Variants in LRFN5 observed in about 807,000 individuals in gnomAD.
The protein encoded by LRFN5 is leucine rich repeat and fibronectin type III domain containing 5.
LRFN5 carries 24 observed loss-of-function variants against 45.6 expected under a neutral mutation model. The ratio of observed to expected loss-of-function variants is 0.53; its 90% CI spans 0.38 to 0.74. The LOEUF (loss-of-function observed/expected upper bound fraction) is 0.74, where lower values mean the gene tolerates loss of function less well. Ranked by LOEUF, LRFN5 falls within the 30% of genes least tolerant of loss-of-function variation. LRFN5 has a pLI of 0.00. For synonymous variants in LRFN5, 340 were observed against 313.8 expected, an observed-to-expected ratio of 1.08 and a Z score of -0.88; for missense variants, 776 against 861.5, an observed-to-expected ratio of 0.90 and a Z score of 1.24.
intron 4 of LRFN5, among the ~76,000 whole-genome samples, chr14:41,896,964 C>A (rs1890960752): frequency 6.6e-6 from 1 of 151,582 alleles, no homozygotes. Flanking sequence ...TGGTGGCGCG[C>A]ACCTGTAATA....
At chr14:41,718,437 A>G (rs1348899733) in intron 1 of LRFN5, among the ~76,000 whole-genome samples, 3 of 152,224 alleles carry the variant, frequency 2.0e-5, no homozygotes, top group African/African-American at 7.2e-5. Context: ...AAAAGGGCAG[A>G]GAAATATCTC....
intron 2 of LRFN5, among the ~76,000 whole-genome samples, chr14:41,871,088 A>G (rs890166008): frequency 6.6e-6 from 1 of 152,120 alleles, no homozygotes; most frequent in African/African-American, 2.4e-5. Context: ...AGTGCTTTTA[A>G]AAACTAGAAA....
chr14:41,706,568 A>T (rs1883076567), intron 1 of LRFN5, among the ~76,000 whole-genome samples: 3 of 152,202 alleles, frequency 2.0e-5, no homozygotes, highest in South Asian at 4.1e-4. Flanking sequence ...ACATTCCTTT[A>T]TTCATATGTG....
Position 41,699,208 on chromosome 14 carries a change from C to T in LRFN5, c.-196-67646C>T, listed in dbSNP as rs1313149837. 2.0e-5 allele frequency among the ~76,000 whole-genome samples: 3 copies of T among 151,962 alleles called. No individual in the cohort carries two copies. The East Asian group carries it at 5.8e-4, about 29-fold the overall frequency. ...AAATGAATATTCTTACCTTGTATGT[C>T]TCTGGGGTAGGTTATGAAATTCTGC... On this transcript the variant is annotated intron_variant, in intron 1 of 5. Transcript: ENST00000298119.
intron 4 of LRFN5, among the ~76,000 whole-genome samples, chr14:41,897,824 G>T (rs187169420): frequency 2.0e-5 from 3 of 152,176 alleles, no homozygotes; most frequent in African/African-American, 7.2e-5. Flanking sequence ...TAAGGAATAA[G>T]CCATGACGGC....
intron 2 of LRFN5, among the ~76,000 whole-genome samples, chr14:41,769,777 T>G (rs1012415434): frequency 2.6e-5 from 4 of 152,198 alleles, no homozygotes; most frequent in Non-Finnish European, 5.9e-5. Context: ...TCATAATAAT[T>G]GTCAATATAT....
At chr14:41,883,142 A>C (rs368165505) in intron 2 of LRFN5, among the ~76,000 whole-genome samples, 14 of 133,196 alleles carry the variant, frequency 1.1e-4, no homozygotes, top group South Asian at 2.6e-4. Flanking sequence ...TTGAGTCACC[A>C]CCCCCCGCCA....
At chr14:41,755,844 C>T (rs1277238839) in intron 1 of LRFN5, among the ~76,000 whole-genome samples, 1 of 152,144 alleles carries the variant, frequency 6.6e-6, no homozygotes, top group Non-Finnish European at 1.5e-5. Context: ...TTAGTTGATG[C>T]AGTTTCTTCT....
At chr14:41,784,587 T>C (rs547969429) in intron 2 of LRFN5, among the ~76,000 whole-genome samples, 1 of 151,232 alleles carries the variant, frequency 6.6e-6, no homozygotes, top group South Asian at 2.1e-4. Context: ...TTTTCTTCAT[T>C]TGCCTAAGTG....
intron 1 of LRFN5, among the ~76,000 whole-genome samples, chr14:41,696,879 G>T (rs1409075221): frequency 2.6e-5 from 4 of 151,874 alleles, no homozygotes; most frequent in African/African-American, 9.7e-5. Context: ...TCTGAAAAGT[G>T]TTCACCACAT....
chr14:41,764,818 G>GAATACATATATATGATTATATATGCAA (rs1885810703), intron 1 of LRFN5, among the ~76,000 whole-genome samples: 3 of 149,952 alleles, frequency 2.0e-5, no homozygotes, highest in Non-Finnish European at 3.0e-5. Context: ...TATATATGCA[G>GAATACATATATATGATTATATATGCAA]AATACATATA....
At chr14:41,806,143 C>G (rs1170149356) in intron 2 of LRFN5, among the ~76,000 whole-genome samples, 2 of 152,154 alleles carry the variant, frequency 1.3e-5, no homozygotes, top group East Asian at 3.9e-4. Flanking sequence ...GACTGAGGGT[C>G]AGGATTAGAC....
intron 2 of LRFN5, among the ~76,000 whole-genome samples, chr14:41,854,072 T>A (rs1222977330): frequency 6.6e-6 from 1 of 152,054 alleles, no homozygotes; most frequent in Admixed American, 6.6e-5. Flanking sequence ...GTTGAAGAGG[T>A]TATTTTTCCT....
chr14:41,700,050 G>C (rs1366724868), intron 1 of LRFN5: 1 of 152,054 alleles, frequency 6.6e-6, no homozygotes, highest in African/African-American at 2.4e-5. Context: ...TTAAAGCAAC[G>C]TGAAGATCTT....
At chr14:41,755,386 T>A (rs1885327553) in intron 1 of LRFN5, among the ~76,000 whole-genome samples, 1 of 152,222 alleles carries the variant, frequency 6.6e-6, no homozygotes. Context: ...CCCATTATTA[T>A]TGTGTGGGAG....
In LRFN5 at chr14:41,666,169, G is replaced by A. The variant is rs117108009; in HGVS notation, c.-197+57607G>A. ...TTTAAAAATTATCTTATCTGAATTT[G>A]TCTAGGTACCTTTGAAATAAAACTG... On this transcript the variant is annotated intron_variant, in intron 1 of 5. Coordinates refer to ENST00000298119, the MANE Select transcript of LRFN5 (RefSeq NM_152447.5). Among the ~76,000 whole-genome samples, 1,411 of 152,024 alleles carry A rather than the reference G, an allele frequency of 9.3e-3. 6 individuals are homozygous for A. The highest frequency in any genetic ancestry group is 0.02 in the East Asian group (103 of 5,164).
intron 1 of LRFN5, among the ~76,000 whole-genome samples, chr14:41,667,447 G>A (rs888714782): frequency 2.6e-5 from 4 of 152,076 alleles, no homozygotes; most frequent in African/African-American, 7.2e-5. Flanking sequence ...AATGTGCCTC[G>A]TGTGACTGAG....
At chr14:41,781,564 GA>G (rs1566436855) in intron 2 of LRFN5, among the ~76,000 whole-genome samples, 1,359 of 34,238 alleles carry the variant, frequency 0.04, 29 homozygotes, top group African/African-American at 0.19. Context: ...GAAAGAGAAA[GA>G]AAGAAAGAAA....
intron 1 of LRFN5, among the ~76,000 whole-genome samples, chr14:41,693,220 G>A (rs1446165082): frequency 6.6e-6 from 1 of 151,944 alleles, no homozygotes; most frequent in Non-Finnish European, 1.5e-5. Context: ...GTGTCTTTTA[G>A]GTCATTTGCA....
Sources: gnomAD v4.1 joint callset for allele counts (sites outside exome capture counted in the v4.1 genomes callset) on GRCh38, gnomAD v4.1.1 for gene constraint, MANE v1.5 for transcripts, NCBI Gene and HGNC (gene_info 2026-07-23, HGNC 2026-07-21) for gene names.